Variants in WLS observed in about 807,000 individuals in gnomAD.
WLS encodes Wnt ligand secretion mediator, also known as protein wntless homolog.
WLS carries 23 observed loss-of-function variants against 62.8 expected under a neutral mutation model. The ratio of observed to expected loss-of-function variants is 0.37; its 90% CI spans 0.26 to 0.52. The LOEUF (loss-of-function observed/expected upper bound fraction) is 0.52. Ranked by LOEUF, WLS falls within the 20% of genes least tolerant of loss-of-function variation. The probability of loss-of-function intolerance (pLI) is 0.92; values close to 1 mark genes in which losing one functional copy is unlikely to be tolerated. For missense variants in WLS, 615 were observed against 697.3 expected (o/e 0.88, Z 1.33); for synonymous variants, 246 against 244.1 (o/e 1.01, Z -0.07).
chr1:68,186,460 T>C (rs1245918810), intron 2 of WLS: 1 of 380,800 alleles, frequency 2.6e-6, no homozygotes, highest in Non-Finnish European at 5.1e-6. Flanking sequence ...CTTCTCATTG[T>C]TTGAAATCTG....
At chr1:68,187,502 A>G (rs1415322866) in intron 2 of WLS, among the ~76,000 whole-genome samples, 1 of 152,186 alleles carries the variant, frequency 6.6e-6, no homozygotes, top group Non-Finnish European at 1.5e-5. Context: ...ATATTTATAT[A>G]TAGAAATGTT....
intron 2 of WLS, among the ~76,000 whole-genome samples, chr1:68,167,619 G>A (rs146963796): frequency 1.3e-5 from 2 of 152,206 alleles, no homozygotes; most frequent in East Asian, 3.9e-4. Context: ...GTTTCATGGG[G>A]GTACAGTTGT....
chr1:68,098,519 A>C, exon 12 of WLS: 1 of 1,468,486 alleles, frequency 6.8e-7, no homozygotes, highest in East Asian at 2.3e-5. Flanking sequence ...CCTTATATTT[A>C]ACATTTTGAG....
At chr1:68,208,787 G>A (rs1649387985) in intron 1 of WLS, among the ~76,000 whole-genome samples, 1 of 152,160 alleles carries the variant, frequency 6.6e-6, no homozygotes, top group African/African-American at 2.4e-5. Context: ...GTTCATACAT[G>A]ACATGGGGAA....
intron 2 of WLS, chr1:68,183,672 G>T (rs1415976750): frequency 3.0e-6 from 1 of 333,192 alleles, no homozygotes; most frequent in Admixed American, 4.1e-5. Context: ...TCAATAGATT[G>T]TTCCCTTTAT....
At chr1:68,135,799 C>T (rs1362552715) in intron 11 of WLS, among the ~76,000 whole-genome samples, 2 of 152,178 alleles carry the variant, frequency 1.3e-5, no homozygotes, top group Non-Finnish European at 2.9e-5. Flanking sequence ...CCCAGCAGTG[C>T]TTGCTGCTCG....
chr1:68,190,080 G>C (rs1419533526), intron 2 of WLS, among the ~76,000 whole-genome samples: 1 of 151,524 alleles, frequency 6.6e-6, no homozygotes, highest in Non-Finnish European at 1.5e-5. Flanking sequence ...ATTCCTTAGA[G>C]TGAGTTGGTT....
intron 1 of WLS, among the ~76,000 whole-genome samples, chr1:68,230,571 G>GTA (rs1491277383): frequency 1.2e-5 from 1 of 84,138 alleles, no homozygotes; most frequent in Middle Eastern, 6.9e-3. Context: ...AAGCCAACCC[G>GTA]TGTGTGTGTG....
chr1:68,219,637 G>A (rs971074957), intron 1 of WLS, among the ~76,000 whole-genome samples: 48 of 151,992 alleles, frequency 3.2e-4, no homozygotes, highest in African/African-American at 1.1e-3. Flanking sequence ...GATATTATTG[G>A]GTACCTACAT....
intron 1 of WLS, among the ~76,000 whole-genome samples, chr1:68,216,204 G>C (rs1557525845): frequency 6.6e-6 from 1 of 152,084 alleles, no homozygotes; most frequent in Non-Finnish European, 1.5e-5. Context: ...TCATAATGTA[G>C]CAATTAATAT....
chr1:68,191,879 G>A (rs770433237), intron 2 of WLS, among the ~76,000 whole-genome samples: 1 of 152,050 alleles, frequency 6.6e-6, no homozygotes, highest in Admixed American at 6.6e-5. Flanking sequence ...TCAAAGAGCT[G>A]TCTGATTGCC....
intron 1 of WLS, among the ~76,000 whole-genome samples, chr1:68,207,134 TA>T (rs1158376769): frequency 6.6e-6 from 1 of 152,226 alleles, no homozygotes; most frequent in Non-Finnish European, 1.5e-5. Flanking sequence ...CATACTGATG[TA>T]TTTAGCACAG....
intron 1 of WLS, among the ~76,000 whole-genome samples, chr1:68,200,666 C>T (rs1300724098): frequency 6.6e-6 from 1 of 151,734 alleles, no homozygotes; most frequent in Non-Finnish European, 1.5e-5. Context: ...AATATAAGCT[C>T]CCAAAACTTT....
At chr1:68,195,920 C>A (rs1648636083) in intron 1 of WLS, among the ~76,000 whole-genome samples, 2 of 150,944 alleles carry the variant, frequency 1.3e-5, no homozygotes, top group South Asian at 4.2e-4. Flanking sequence ...ATTGAACAGA[C>A]CCTCCCTTTT....
Position 68,125,484 on chromosome 1 carries a change from GCA to G in WLS, c.*740_*741del. The G allele has an allele frequency of 1.0e-6, 1 of 985,394 alleles. No individual in the cohort carries two copies. Among genetic ancestry groups the G allele is most frequent in the Non-Finnish European group, 1.2e-6 (1 of 829,922 alleles). The allele number at this position is 985,394 out of a possible 1,614,324, so 61.0% of individuals were successfully genotyped here. On this transcript the variant is annotated 3_prime_UTR_variant, in exon 12 of 12. Coordinates refer to ENST00000262348, the MANE Select transcript of WLS (RefSeq NM_024911.7). ...CTTATCAAAATAAAACGCATTTTAA[GCA>G]AGAAGTTAAAAAAGCTTTTCAGACC... is the stretch of plus-strand genomic sequence containing the variant.
chr1:68,184,871 C>G (rs983920004), intron 2 of WLS, among the ~76,000 whole-genome samples: 30 of 152,146 alleles, frequency 2.0e-4, no homozygotes, highest in African/African-American at 7.2e-4. Context: ...TTCCTCAGCT[C>G]TTACAGACTA....
chr1:68,198,230 T>C (rs1648787634), intron 1 of WLS, among the ~76,000 whole-genome samples: 1 of 152,216 alleles, frequency 6.6e-6, no homozygotes. Flanking sequence ...GCCTAGTCAC[T>C]GTAAACTGGT....
At chr1:68,114,527 G>T (rs1646266674) in intron 11 of WLS, among the ~76,000 whole-genome samples, 1 of 152,156 alleles carries the variant, frequency 6.6e-6, no homozygotes, top group Admixed American at 6.5e-5. Context: ...ATGCTAAGTG[G>T]TATAATCCTC....
intron 2 of WLS, among the ~76,000 whole-genome samples, chr1:68,189,405 A>AT (rs1296673101): frequency 6.6e-6 from 1 of 152,062 alleles, no homozygotes; most frequent in Admixed American, 6.5e-5. Flanking sequence ...TGAACAGTAT[A>AT]TTTTTTCTTT....
Sources: gnomAD v4.1 joint callset for allele counts (sites outside exome capture counted in the v4.1 genomes callset) on GRCh38, gnomAD v4.1.1 for gene constraint, MANE v1.5 for transcripts, NCBI Gene and HGNC (gene_info 2026-07-23, HGNC 2026-07-21) for gene names.